The following NAV2 variants were observed in gnomAD, a reference collection of about 807,000 sequenced individuals.
The protein encoded by NAV2 is neuron navigator 2, also known as helicase, APC down-regulated 1.
A neutral mutation model predicts 223.2 loss-of-function variants in NAV2; 54 were observed. That is an observed-to-expected ratio of 0.24 (90% CI 0.19 to 0.30). The LOEUF is 0.30. NAV2 is among the 10% of genes least tolerant of loss of function. NAV2 has a pLI of 1.00. For synonymous variants in NAV2, 1,279 were observed against 1,239.3 expected, an observed-to-expected ratio of 1.03 and a Z score of -0.67; for missense variants, 2,806 against 3,147.5, an observed-to-expected ratio of 0.89 and a Z score of 2.60.
intron 11 of NAV2, among the ~76,000 whole-genome samples, chr11:20,030,914 A>G (rs1243628523): frequency 6.6e-6 from 1 of 152,264 alleles, no homozygotes; most frequent in Non-Finnish European, 1.5e-5. Context: ...ATAAATACAT[A>G]CTGATTAACC....
At chr11:19,585,153 T>G (rs2135071091) in intron 1 of NAV2, among the ~76,000 whole-genome samples, 1 of 152,318 alleles carries the variant, frequency 6.6e-6, no homozygotes, top group South Asian at 2.1e-4. Flanking sequence ...TTGTCTCTTT[T>G]GATCTTTGTT....
intron 1 of NAV2, among the ~76,000 whole-genome samples, chr11:19,610,440 G>C (rs1461830972): frequency 6.6e-6 from 1 of 152,204 alleles, no homozygotes; most frequent in African/African-American, 2.4e-5. Flanking sequence ...GTGGGCTACA[G>C]TTGCAGCTCT....
intron 1 of NAV2, among the ~76,000 whole-genome samples, chr11:19,775,981 A>G (rs1169088548): frequency 6.6e-6 from 1 of 152,222 alleles, no homozygotes; most frequent in Non-Finnish European, 1.5e-5. Context: ...TGACAAGTTG[A>G]TCTAATTGCC....
intron 4 of NAV2, among the ~76,000 whole-genome samples, chr11:19,873,846 A>G (rs2062684817): frequency 6.6e-6 from 1 of 152,166 alleles, no homozygotes; most frequent in South Asian, 2.1e-4. Flanking sequence ...GAGAGCAGCA[A>G]GAACACAGAG....
chr11:19,402,893 T>C (rs1240341757), intron 1 of NAV2, among the ~76,000 whole-genome samples: 1 of 152,038 alleles, frequency 6.6e-6, no homozygotes, highest in Non-Finnish European at 1.5e-5. Context: ...AACATAGAGA[T>C]AAGAGGGAAA....
intron 3 of NAV2, among the ~76,000 whole-genome samples, chr11:19,865,195 C>T (rs1003866649): frequency 6.6e-6 from 1 of 152,178 alleles, no homozygotes; most frequent in African/African-American, 2.4e-5. Context: ...AGATCCTCAT[C>T]TCATGCTGTG....
chr11:19,828,034 C>G (rs989004892), intron 1 of NAV2, among the ~76,000 whole-genome samples: 3 of 152,064 alleles, frequency 2.0e-5, no homozygotes, highest in African/African-American at 7.2e-5. Flanking sequence ...GTCCCAGCTA[C>G]TCGGGAGGCT....
intron 1 of NAV2, among the ~76,000 whole-genome samples, chr11:19,738,115 G>A (rs1449865454): frequency 2.6e-5 from 4 of 152,246 alleles, no homozygotes; most frequent in Non-Finnish European, 5.9e-5. Context: ...GACTGGGGAG[G>A]CCTCCTTCCC....
chr11:20,115,742 T>C (rs1165304120), intron 37 of NAV2, among the ~76,000 whole-genome samples: 1 of 151,176 alleles, frequency 6.6e-6, no homozygotes, highest in Non-Finnish European at 1.5e-5. Context: ...ACAAAACCTC[T>C]TCTCTACAAA....
At chr11:19,992,242 A>G (rs149650088) in intron 11 of NAV2, among the ~76,000 whole-genome samples, 1 of 152,370 alleles carries the variant, frequency 6.6e-6, no homozygotes, top group East Asian at 1.9e-4. Flanking sequence ...GCCTTGCCCA[A>G]GAGGCTCTTT....
intron 1 of NAV2, among the ~76,000 whole-genome samples, chr11:19,749,005 C>T (rs1163058506): frequency 6.6e-6 from 1 of 152,214 alleles, no homozygotes; most frequent in Non-Finnish European, 1.5e-5. Context: ...GTTTCTGGGC[C>T]ATTCAGAGGT....
intron 1 of NAV2, chr11:19,777,515 C>A (rs1447473473): frequency 8.8e-6 from 4 of 455,070 alleles, no homozygotes; most frequent in East Asian, 7.0e-5. Context: ...CACCATGAAG[C>A]TGGTAAGGGT....
At chr11:19,694,164 T>C (rs951174187) in intron 1 of NAV2, among the ~76,000 whole-genome samples, 3 of 151,880 alleles carry the variant, frequency 2.0e-5, no homozygotes, top group African/African-American at 7.3e-5. Flanking sequence ...GACAAACCAG[T>C]AAAGGAGAGG....
intron 1 of NAV2, among the ~76,000 whole-genome samples, chr11:19,777,092 G>A (rs1042108781): frequency 1.6e-4 from 16 of 101,064 alleles, no homozygotes; most frequent in Admixed American, 1.4e-3. Flanking sequence ...ACCAGCCGCC[G>A]ACCCCCCCCC....
chr11:19,825,361 T>G (rs1430982924), intron 1 of NAV2, among the ~76,000 whole-genome samples: 1 of 148,118 alleles, frequency 6.8e-6, no homozygotes, highest in African/African-American at 2.5e-5. Flanking sequence ...AGAGTGAGGC[T>G]TCCTGAATTG....
chr11:20,106,125 T>A, intron 35 of NAV2, among the ~76,000 whole-genome samples: 1 of 137,182 alleles, frequency 7.3e-6, no homozygotes, highest in Admixed American at 7.6e-5. Context: ...TGAGCTTAGT[T>A]TTTCTGTCCT....
At chr11:20,014,585 C>A (rs1591662993) in intron 11 of NAV2, among the ~76,000 whole-genome samples, 1 of 151,928 alleles carries the variant, frequency 6.6e-6, no homozygotes, top group South Asian at 2.1e-4. Flanking sequence ...CAAGACCCTG[C>A]CTCTACAAAA....
At chr11:19,718,710 A>G (rs898232827) in intron 1 of NAV2, among the ~76,000 whole-genome samples, 37 of 152,200 alleles carry the variant, frequency 2.4e-4, no homozygotes, top group Non-Finnish European at 2.6e-4. Context: ...TATGGTTCAC[A>G]TATTATTGCT....
At chr11:19,417,390 A>G (rs1048519389) in intron 1 of NAV2, among the ~76,000 whole-genome samples, 4 of 152,254 alleles carry the variant, frequency 2.6e-5, no homozygotes, top group Admixed American at 1.3e-4. Flanking sequence ...CAAAATCACA[A>G]TGAGATACCA....
Sources: gnomAD v4.1 joint callset for allele counts (sites outside exome capture counted in the v4.1 genomes callset) on GRCh38, gnomAD v4.1.1 for gene constraint, MANE v1.5 for transcripts, NCBI Gene and HGNC (gene_info 2026-07-23, HGNC 2026-07-21) for gene names.